The following TPR variants were observed in gnomAD, a reference collection of about 807,000 sequenced individuals.
TPR encodes the protein translocated promoter region, nuclear basket protein, also known as nucleoprotein TPR.
Under a neutral mutation model 316.1 loss-of-function variants are expected in TPR, and 51 were observed. The observed-to-expected ratio is 0.16, with a 90% CI of 0.13 to 0.20. The LOEUF (loss-of-function observed/expected upper bound fraction) is 0.20, where lower values mean the gene tolerates loss of function less well. Ranked by LOEUF, TPR falls within the 10% of genes least tolerant of loss-of-function variation. TPR has a pLI of 1.00. For synonymous variants in TPR, 981 were observed against 914.7 expected (o/e 1.07, Z -1.31); for missense variants, 2,272 against 2,754.8 (o/e 0.82, Z 3.92).
intron 40 of TPR, among the ~76,000 whole-genome samples, chr1:186,326,458 G>A (rs894964257): frequency 2.6e-5 from 4 of 152,126 alleles, no homozygotes; most frequent in African/African-American, 9.7e-5. Flanking sequence ...CTGTTTGCAT[G>A]AGATTGCTCA....
chr1:186,317,639 TAC>T, intron 48 of TPR, 39 bp from the exon 49 acceptor site: 1 of 1,560,178 alleles, frequency 6.4e-7, no homozygotes, highest in Non-Finnish European at 8.8e-7. Context: ...AAACTGATCC[TAC>T]AGTCAATCAT....
chr1:186,324,676 T>A (rs986682650), intron 42 of TPR, among the ~76,000 whole-genome samples: 2 of 152,186 alleles, frequency 1.3e-5, no homozygotes, highest in African/African-American at 4.8e-5. Flanking sequence ...TTAAGTTTAC[T>A]ACAAGAATTA....
At chr1:186,340,841 A>G (rs1571616686) in intron 29 of TPR, among the ~76,000 whole-genome samples, 187 bp downstream of exon 29, 2 of 152,228 alleles carry the variant, frequency 1.3e-5, no homozygotes, top group Middle Eastern at 3.4e-3. Flanking sequence ...TATAACCAAA[A>G]TTTTTTATAA....
intron 39 of TPR, among the ~76,000 whole-genome samples, chr1:186,329,557 A>T (rs1028056108): frequency 2.0e-5 from 3 of 152,198 alleles, no homozygotes; most frequent in Non-Finnish European, 4.4e-5. Context: ...TTTTGTGTAT[A>T]AAATGAAGTT....
At chr1:186,321,122 G>A (rs1005294784) in intron 45 of TPR, among the ~76,000 whole-genome samples, 1 of 152,160 alleles carries the variant, frequency 6.6e-6, no homozygotes, top group Non-Finnish European at 1.5e-5. Context: ...TCAGAATTCT[G>A]CATGTTTATT....
chr1:186,366,071 C>T (rs764685816), intron 4 of TPR, among the ~76,000 whole-genome samples: 1 of 152,156 alleles, frequency 6.6e-6, no homozygotes, highest in Non-Finnish European at 1.5e-5. Flanking sequence ...CTTACATGGG[C>T]ACTGAAACTA....
At chr1:186,324,361 G>C (rs1657856032) in intron 42 of TPR, among the ~76,000 whole-genome samples, 1 of 152,090 alleles carries the variant, frequency 6.6e-6, no homozygotes, top group Non-Finnish European at 1.5e-5. Context: ...AATCAAAAAG[G>C]ATAAAGACAG....
chr1:186,326,009 G>A, intron 41 of TPR, 95 bp downstream of exon 41: 2 of 1,570,582 alleles, frequency 1.3e-6, no homozygotes, highest in Non-Finnish European at 8.6e-7. Context: ...AAAGGTTTTA[G>A]TGAATTTCAT....
chr1:186,351,216 T>C (rs1571625678), intron 20 of TPR, 114 bp downstream of exon 20: 6 of 1,274,198 alleles, frequency 4.7e-6, no homozygotes, highest in Middle Eastern at 2.0e-4. Flanking sequence ...AAGAAAAACT[T>C]AGTAACAAAG....
In TPR at chr1:186,358,641, G is replaced by C. The variant is rs114751429; in HGVS notation, c.1399C>G (p.Arg467Gly). The stretch of plus-strand genomic sequence containing the variant: ...GCTTTATCAGTGTCCTCCTGCAATC[G>C]CTGAATCTCCTTTAAAATGTAAATT... Reference protein sequence around the residue: ...KLEQAMKEIQRLQEDTDKANK... With the variant: ...KLEQAMKEIQGLQEDTDKANK... Residue 467 changes from arginine (R) to glycine (G), a missense_variant, in exon 13 of 51, where the codon CGA becomes GGA. Arg to Gly is a moderately radical substitution (Grantham distance 125). Coordinates refer to ENST00000367478, the MANE Select transcript of TPR (RefSeq NM_003292.3). The C allele has an allele frequency of 6.2e-7, 1 of 1,610,334 alleles. No individual in the cohort carries two copies. The highest frequency in any genetic ancestry group is 8.5e-7 in the Non-Finnish European group (1 of 1,178,506).
At chr1:186,360,388 G>A in intron 10 of TPR, 24 bp from the exon 11 acceptor site, 1 of 1,605,672 alleles carries the variant, frequency 6.2e-7, no homozygotes, top group Non-Finnish European at 8.5e-7. Context: ...TACACATCTA[G>A]TATAATTTGT....
At position 186,360,145 on chromosome 1, in the gene TPR, C is replaced by G. The variant is rs1407339145; in HGVS notation, c.1191+128G>C. ...CACAGCACTAGGAACCAAAGAAAGC[C>G]TTTCCTAGAATGATCCACTAATTAT... On this transcript the variant is annotated intron_variant, in intron 11 of 50. Transcript: ENST00000367478. The G allele has an allele frequency of 3.0e-6, 4 of 1,320,616 alleles. No homozygotes were observed. In the East Asian group the frequency reaches 9.8e-5, roughly 32 times the overall value. The allele number at this position is 1,320,616 out of a possible 1,614,324, so 81.8% of individuals were successfully genotyped here.
intron 50 of TPR, 110 bp from the exon 51 acceptor site, chr1:186,314,136 A>G: frequency 1.0e-6 from 1 of 987,880 alleles, no homozygotes; most frequent in East Asian, 2.5e-5. Flanking sequence ...TGGATATAAA[A>G]CTGTTGGGTA....
rs1373765667 is a variant in TPR at position 186,353,802 on chromosome 1, T to C, written c.2220A>G (p.Thr740=). 5 of 1,614,136 alleles carry C rather than the reference T, an allele frequency of 3.1e-6. No individual in the cohort carries two copies. In the South Asian group the frequency reaches 3.3e-5, roughly 11 times the overall value. The part of the protein sequence containing the change: ...DNVEGYRREI[T]SLHERNQKLT... ...GTTTCTGATTTCTCTCATGAAGTGATGTTATTTCTCGACGATATCCTTCAA... is the reference window on the plus strand; with the variant it reads ...GTTTCTGATTTCTCTCATGAAGTGACGTTATTTCTCGACGATATCCTTCAA... Residue 740 remains threonine, a synonymous_variant, in exon 18 of 51, where the codon ACA becomes ACG. Transcript: ENST00000367478.
intron 3 of TPR, among the ~76,000 whole-genome samples, chr1:186,369,677 A>C (rs909306052): frequency 3.9e-5 from 6 of 152,140 alleles, no homozygotes; most frequent in African/African-American, 1.4e-4. Context: ...GGATCATATA[A>C]TCTATAAGTA....
At chr1:186,361,311 G>A (rs1166075040) in intron 9 of TPR, among the ~76,000 whole-genome samples, 1 of 151,846 alleles carries the variant, frequency 6.6e-6, no homozygotes, top group Non-Finnish European at 1.5e-5. Context: ...TATAAAGTAA[G>A]AGTATTCAAA....
At position 186,367,959 on chromosome 1, in the gene TPR, T is replaced by C; in HGVS notation, c.354A>G (p.Glu118=). ...AIQSQFTRTK[E]ELEAEKRDLI... Reference sequence around the variant, plus strand: ...AGTCTCTTTTCTCAGCTTCTAATTCTTCCTTTGTTCTTGTAAATTGGCTCT... The same window carrying C: ...AGTCTCTTTTCTCAGCTTCTAATTCCTCCTTTGTTCTTGTAAATTGGCTCT... Residue 118 remains glutamate (E), a synonymous_variant, in exon 4 of 51, where the codon GAA becomes GAG. Transcript: ENST00000367478. 3.7e-6 allele frequency: 6 copies of C among 1,610,572 alleles called. No homozygotes were observed. Among genetic ancestry groups the C allele is most frequent in the Non-Finnish European group, 5.1e-6 (6 of 1,179,416 alleles).
intron 14 of TPR, 139 bp from the exon 15 acceptor site, chr1:186,356,588 G>GT: frequency 1.3e-6 from 1 of 776,876 alleles, no homozygotes; most frequent in Non-Finnish European, 1.9e-6. Flanking sequence ...TTCATGCTGA[G>GT]TATTTTATGA....
At chr1:186,324,421 G>C (rs565604873) in intron 42 of TPR, among the ~76,000 whole-genome samples, 1 of 152,208 alleles carries the variant, frequency 6.6e-6, no homozygotes, top group South Asian at 2.1e-4. Context: ...CCTGAATTTT[G>C]AATTTTAACA....
Sources: allele counts gnomAD v4.1 joint callset (sites outside exome capture counted in the v4.1 genomes callset), GRCh38; gene constraint gnomAD v4.1.1; transcripts MANE v1.5; gene names NCBI Gene and HGNC (gene_info 2026-07-23, HGNC 2026-07-21).